Variants in NTM observed in about 807,000 individuals in gnomAD.
NTM encodes the protein IgLON family member 2.
In NTM, 13 loss-of-function variants were observed where a neutral mutation model predicts 42.1. The observed-to-expected ratio is 0.31, with a 90% confidence interval of 0.20 to 0.49. The LOEUF (loss-of-function observed/expected upper bound fraction) is 0.49, where lower values mean the gene tolerates loss of function less well. Among genes scored for constraint, NTM ranks in the 20% least tolerant of loss-of-function variants. The pLI is 0.99. For missense variants in NTM, 373 were observed against 452.8 expected (o/e 0.82, Z 1.60); for synonymous variants, 187 against 179.2 (o/e 1.04, Z -0.35).
At chr11:132,178,963 CATTA>C (rs1364048672) in intron 3 of NTM, among the ~76,000 whole-genome samples, 1 of 152,186 alleles carries the variant, frequency 6.6e-6, no homozygotes, top group African/African-American at 2.4e-5. Context: ...CAAACAATTA[CATTA>C]ATTAAGTAAG....
chr11:132,278,879 C>T (rs910930125), intron 4 of NTM, among the ~76,000 whole-genome samples: 1 of 151,978 alleles, frequency 6.6e-6, no homozygotes, highest in Non-Finnish European at 1.5e-5. Flanking sequence ...CATTCAACCC[C>T]GCAGCTATAA....
intron 2 of NTM, among the ~76,000 whole-genome samples, chr11:132,041,772 G>A (rs1040749947): frequency 3.3e-5 from 5 of 152,156 alleles, no homozygotes; most frequent in Admixed American, 2.0e-4. Flanking sequence ...GGAAGCATAA[G>A]ACATGAGGCT....
chr11:131,581,065 C>T (rs369799122), intron 1 of NTM, among the ~76,000 whole-genome samples: 3 of 152,168 alleles, frequency 2.0e-5, no homozygotes, highest in African/African-American at 7.2e-5. Context: ...ATGGGGTTTG[C>T]CACACTCATC....
chr11:131,995,834 A>G (rs75073769), intron 2 of NTM, among the ~76,000 whole-genome samples: 3,541 of 152,194 alleles, frequency 0.023, 134 homozygotes, highest in African/African-American at 0.081. Flanking sequence ...TCTACAGTGG[A>G]AAATGAATGT....
chr11:132,201,766 G>A lies in NTM; in HGVS notation c.401-10256G>A, dbSNP rs554040255. Among the ~76,000 whole-genome samples, 80 of 152,346 alleles carry A rather than the reference G, an allele frequency of 5.3e-4. 1 individual carries two copies. The highest frequency in any genetic ancestry group is 1.8e-3 in the African/African-American group (75 of 41,578). On this transcript the variant is annotated intron_variant, in intron 3 of 8. Coordinates refer to ENST00000683400, the MANE Select transcript of NTM (RefSeq NM_001352005.2). ...AATCACAATAGCATTCATTTGCAGA[G>A]TGATTAGTAATTCACTAAGTGCTTT...
At chr11:132,012,328 A>G (rs987772226) in intron 2 of NTM, among the ~76,000 whole-genome samples, 1 of 152,222 alleles carries the variant, frequency 6.6e-6, no homozygotes, top group African/African-American at 2.4e-5. Context: ...ATGGCTAACA[A>G]AATGTTATCA....
At position 131,973,986 on chromosome 11, in the gene NTM, G is replaced by C. The variant is rs186504374; in HGVS notation, c.167+62338G>C. ...GCCTACTCCAGCTGGAGATGGTGAG[G>C]ACGAAGACCTTTCAGATGATTCACT... On this transcript the variant is annotated intron_variant, in intron 2 of 8. Transcript: ENST00000683400. Among the ~76,000 whole-genome samples the C allele has an allele frequency of 2.6e-3, 402 of 152,248 alleles. 1 individual carries two copies. Among genetic ancestry groups the C allele is most frequent in the African/African-American group, 9.1e-3 (380 of 41,544 alleles).
At chr11:131,415,274 G>C (rs1356801076) in intron 1 of NTM, among the ~76,000 whole-genome samples, 1 of 151,960 alleles carries the variant, frequency 6.6e-6, no homozygotes, top group African/African-American at 2.4e-5. Context: ...GATGAAGTGA[G>C]TTTGCTCTGG....
At chr11:131,833,056 C>T (rs2043024568) in intron 1 of NTM, among the ~76,000 whole-genome samples, 1 of 152,186 alleles carries the variant, frequency 6.6e-6, no homozygotes, top group Non-Finnish European at 1.5e-5. Context: ...ACAATAGTAA[C>T]TAGCTCAGAA....
chr11:131,785,927 C>T (rs1309253823), intron 1 of NTM, among the ~76,000 whole-genome samples: 1 of 152,148 alleles, frequency 6.6e-6, no homozygotes, highest in Non-Finnish European at 1.5e-5. Flanking sequence ...TAACAGGTAC[C>T]TGTAGTGCAG....
rs1462158764 is a variant in NTM, at chr11:132,146,435, G to A, written c.321G>A (p.Val107=). Residue 107 remains valine (V), a synonymous_variant, in exon 3 of 9, where the codon GTG becomes GTA. Coordinates refer to ENST00000683400, the MANE Select transcript of NTM (RefSeq NM_001352005.2). This position sits in a 1 kb window ranked among gnomAD's most constrained non-coding sequence, Gnocchi z 4.5. Reference sequence around the variant, plus strand: ...GCATCGAGATCCAGAACGTGGATGTGTATGACGAGGGCCCTTACACCTGCT... The same window carrying A: ...GCATCGAGATCCAGAACGTGGATGTATATGACGAGGGCCCTTACACCTGCT... ...QYSIEIQNVD[V]YDEGPYTCSV... The A allele has an allele frequency of 6.2e-7, 1 of 1,614,216 alleles. No homozygotes were observed. Among genetic ancestry groups the A allele is most frequent in the Non-Finnish European group, 8.5e-7 (1 of 1,180,036 alleles).
Position 132,003,956 on chromosome 11 carries a change from A to G in NTM, c.167+92308A>G, listed in dbSNP as rs1225768407. Among the ~76,000 whole-genome samples the G allele has an allele frequency of 8.5e-5, 13 of 152,234 alleles. No individual in the cohort carries two copies. The highest frequency in any genetic ancestry group is 1.3e-4 in the Admixed American group (2 of 15,278). ...GCCCCATCCTCATTGTTCAGGTTTC[A>G]TCGTCTCCTTAATCAACCATTAGCA... On this transcript the variant is annotated intron_variant, in intron 2 of 8. Coordinates refer to ENST00000683400, the MANE Select transcript of NTM (RefSeq NM_001352005.2). This position sits in a 1 kb window ranked among gnomAD's most constrained non-coding sequence, Gnocchi z 6.0.
intron 2 of NTM, among the ~76,000 whole-genome samples, chr11:132,091,126 TA>T (rs2060326400): frequency 6.6e-6 from 1 of 152,200 alleles, no homozygotes; most frequent in Non-Finnish European, 1.5e-5. Context: ...TGAGAAACCC[TA>T]GCTTATAATC....
At chr11:131,683,373 G>A (rs2073305844) in intron 1 of NTM, among the ~76,000 whole-genome samples, 1 of 152,222 alleles carries the variant, frequency 6.6e-6, no homozygotes, top group Admixed American at 6.5e-5. Flanking sequence ...ACGGGAGGAG[G>A]GGAAACAACC....
At chr11:131,957,023 C>T (rs1565821886) in intron 2 of NTM, among the ~76,000 whole-genome samples, 1 of 151,982 alleles carries the variant, frequency 6.6e-6, no homozygotes, top group Non-Finnish European at 1.5e-5. Flanking sequence ...TCCTGTTAAT[C>T]ATGGTTTAGA....
chr11:131,947,430 C>T (rs1248165528), intron 2 of NTM, among the ~76,000 whole-genome samples: 1 of 152,136 alleles, frequency 6.6e-6, no homozygotes, highest in Non-Finnish European at 1.5e-5. Context: ...CCTGCCAGAC[C>T]CTCCCCTCCC....
rs2512882 is a variant in NTM at position 131,599,416 on chromosome 11, A to G, written c.82+228528A>G. Among the ~76,000 whole-genome samples the G allele has an allele frequency of 2.3e-3, 126 of 54,708 alleles. 27 individuals carry two copies. Among genetic ancestry groups the G allele is most frequent in the African/African-American group, 3.8e-3 (114 of 29,858 alleles). 35.9% of individuals were successfully genotyped at this position (54,708 alleles called of 152,430 possible). ...GTCACATGGCCCTGTATAACCCTAT[A>G]TAACCTCAAGGGGACGGAAGGGAGA... On this transcript the variant is annotated intron_variant, in intron 1 of 8. Coordinates refer to ENST00000683400, the MANE Select transcript of NTM (RefSeq NM_001352005.2).
intron 8 of NTM, among the ~76,000 whole-genome samples, chr11:132,334,329 G>T (rs2095850116): frequency 6.6e-6 from 1 of 152,198 alleles, no homozygotes; most frequent in South Asian, 2.1e-4. Flanking sequence ...TGTCCTCATT[G>T]ATCTCCAGTT....
intron 1 of NTM, among the ~76,000 whole-genome samples, chr11:131,666,621 C>T (rs1374069265): frequency 6.6e-6 from 1 of 152,176 alleles, no homozygotes; most frequent in Non-Finnish European, 1.5e-5. Flanking sequence ...TGCCTATGAT[C>T]TCTGGGCAGA....
Sources: allele counts gnomAD v4.1 joint callset (sites outside exome capture counted in the v4.1 genomes callset), GRCh38; gene constraint gnomAD v4.1.1; non-coding constraint Gnocchi (gnomAD v3.1); transcripts MANE v1.5; gene names NCBI Gene and HGNC (gene_info 2026-07-23, HGNC 2026-07-21).